Variants in MMEL1 observed in about 807,000 individuals in gnomAD.
The protein encoded by MMEL1 is membrane metalloendopeptidase like 1.
In MMEL1, 98 loss-of-function variants were observed where a neutral mutation model predicts 117.1. That is an observed-to-expected ratio of 0.84 (90% CI 0.71 to 0.99). MMEL1 has a LOEUF of 0.99. MMEL1 is among the 50% of genes least tolerant of loss of function. The pLI, the probability that MMEL1 is intolerant of heterozygous loss-of-function variation, is 0.00. For missense variants in MMEL1, 1,014 were observed against 1,049.1 expected, an observed-to-expected ratio of 0.97 and a Z score of 0.46; for synonymous variants, 390 against 415.1, an observed-to-expected ratio of 0.94 and a Z score of 0.74.
intron 9 of MMEL1, 148 bp downstream of exon 9, chr1:2,605,410 C>T (rs1469438191): frequency 2.9e-5 from 21 of 721,694 alleles, no homozygotes; most frequent in Middle Eastern, 3.8e-4. Context: ...CGTCTGCACC[C>T]GCCACCCTCA....
chr1:2,597,304 C>T (rs534508570), intron 13 of MMEL1, among the ~76,000 whole-genome samples: 1 of 151,850 alleles, frequency 6.6e-6, no homozygotes, highest in African/African-American at 2.4e-5. Context: ...GCCCCCCTGA[C>T]GCTTGACTCA....
At chr1:2,626,272 G>A (rs1245656908) in intron 2 of MMEL1, among the ~76,000 whole-genome samples, 1 of 152,214 alleles carries the variant, frequency 6.6e-6, no homozygotes, top group Non-Finnish European at 1.5e-5. Context: ...AGCTTTCTGA[G>A]TGGTCAAAAA....
At chr1:2,624,474 C>T (rs1018079233) in intron 2 of MMEL1, among the ~76,000 whole-genome samples, 3 of 152,172 alleles carry the variant, frequency 2.0e-5, no homozygotes, top group Non-Finnish European at 4.4e-5. Context: ...ATTAGGAAAC[C>T]GTCCTGCATA....
chr1:2,623,843 T>C (rs1645327857), intron 2 of MMEL1, among the ~76,000 whole-genome samples: 1 of 152,170 alleles, frequency 6.6e-6, no homozygotes, highest in African/African-American at 2.4e-5. Context: ...TTTAAACCAC[T>C]GAGGCAGGTG....
At chr1:2,622,541 A>G (rs1258256434) in intron 2 of MMEL1, among the ~76,000 whole-genome samples, 1 of 152,222 alleles carries the variant, frequency 6.6e-6, no homozygotes, top group African/African-American at 2.4e-5. Flanking sequence ...AACATTGACC[A>G]TATTAAATAG....
intron 6 of MMEL1, among the ~76,000 whole-genome samples, chr1:2,608,740 CAT>C (rs1459118922): frequency 6.6e-6 from 1 of 152,060 alleles, no homozygotes; most frequent in Non-Finnish European, 1.5e-5. Context: ...ACACATGTGA[CAT>C]GCACGTAACA....
At chr1:2,608,451 A>G (rs1307920110) in intron 6 of MMEL1, among the ~76,000 whole-genome samples, 1 of 152,194 alleles carries the variant, frequency 6.6e-6, no homozygotes, top group South Asian at 2.1e-4. Context: ...ATACATCCAC[A>G]TGCACACACA....
At chr1:2,609,595 A>C in intron 5 of MMEL1, 75 bp downstream of exon 5, 1 of 1,551,614 alleles carries the variant, frequency 6.4e-7, no homozygotes, top group Non-Finnish European at 8.8e-7. Context: ...GGCGAGACAC[A>C]GCCAGGACCA....
chr1:2,609,609 C>T, intron 5 of MMEL1, 61 bp downstream of exon 5: 1 of 1,564,274 alleles, frequency 6.4e-7, no homozygotes, highest in South Asian at 1.2e-5. Flanking sequence ...AGGACCAACT[C>T]CTGGCCCGGT....
At position 2,600,642 on chromosome 1, in the gene MMEL1, T is replaced by C. The variant is rs181914516; in HGVS notation, c.1042-1852A>G. 1.5e-3 allele frequency among the ~76,000 whole-genome samples: 233 copies of C among 152,258 alleles called. 1 individual carries two copies. The highest frequency in any genetic ancestry group is 5.3e-3 in the African/African-American group (222 of 41,530). ...TCAAGGCTGCAGTGAGCCATGACTG[T>C]GCCACTCCACTCCAGTCTGCATGAC... On this transcript the variant is annotated intron_variant, in intron 11 of 23. Transcript: ENST00000378412.
rs1372708626 is a variant in MMEL1 at position 2,612,736 on chromosome 1, A to T, written c.155-532T>A. On this transcript the variant is annotated intron_variant, in intron 2 of 23. Coordinates refer to ENST00000378412, the MANE Select transcript of MMEL1 (RefSeq NM_033467.4). The surrounding 1 kb of genome is among the most constrained non-coding windows in gnomAD (Gnocchi z 5.4). The stretch of plus-strand genomic sequence containing the variant: ...CAAGCCACCCTCCCTCCATCTCTCT[A>T]CTGCCTGCTGGGAGGGGCCTGCCTG... Among the ~76,000 whole-genome samples, 1 of 151,764 alleles carries T rather than the reference A, an allele frequency of 6.6e-6. No homozygotes were observed. Among genetic ancestry groups the T allele is most frequent in the Non-Finnish European group, 1.5e-5 (1 of 67,928 alleles).
rs949788812 is a variant in MMEL1 at position 2,595,882 on chromosome 1, G to T, written c.1500+127C>A. On this transcript the variant is annotated intron_variant, in intron 15 of 23. Transcript: ENST00000378412. This position sits in a 1 kb window ranked among gnomAD's most constrained non-coding sequence, Gnocchi z 4.8. ...CGCCTCCCGGGGCTGCCTTCTCCCC[G>T]TGGGGTCCTGTCTGCGCCTCCCGGG... 1.4e-6 allele frequency: 1 copy of T among 722,912 alleles called. No homozygotes were observed. The highest frequency in any genetic ancestry group is 1.8e-5 in the African/African-American group (1 of 56,592). The allele number at this position is 722,912 out of a possible 1,614,324, so 44.8% of individuals were successfully genotyped here.
Position 2,616,366 on chromosome 1 carries a change from C to CA in MMEL1, c.155-4163dup, listed in dbSNP as rs1205438991. 2.8e-4 allele frequency among the ~76,000 whole-genome samples: 35 copies of CA among 126,922 alleles called. 1 individual carries two copies. The highest frequency in any genetic ancestry group is 2.1e-3 in the Admixed American group (27 of 12,944). 83.3% of individuals were successfully genotyped at this position (126,922 alleles called of 152,430 possible). Reference sequence around the variant, plus strand: ...TCAAAAAAAAAAAAAAAAAAGCAGACAAAAAAAGACACATTATATTGAGGG... The same window carrying CA: ...TCAAAAAAAAAAAAAAAAAAGCAGACAAAAAAAAGACACATTATATTGAGGG... On this transcript the variant is annotated intron_variant, in intron 2 of 23. Transcript: ENST00000378412.
chr1:2,598,900 G>GA, intron 11 of MMEL1, 110 bp from the exon 12 acceptor site: 1 of 884,222 alleles, frequency 1.1e-6, no homozygotes, highest in Non-Finnish European at 1.7e-6. Flanking sequence ...GAATAAGAGA[G>GA]AAGTGCAGGT....
intron 2 of MMEL1, among the ~76,000 whole-genome samples, chr1:2,615,120 C>T (rs950793334): frequency 1.3e-5 from 2 of 152,140 alleles, no homozygotes; most frequent in African/African-American, 4.8e-5. Context: ...ATGCCAAATA[C>T]TTTAGGTAGA....
rs372783645 is a variant in MMEL1 at position 2,607,037 on chromosome 1, G to T, written c.568C>A (p.Leu190Met). 5.0e-6 allele frequency: 8 copies of T among 1,613,314 alleles called. No homozygotes were observed. The highest frequency in any genetic ancestry group is 6.8e-6 in the Non-Finnish European group (8 of 1,180,002). The part of the protein sequence containing the change: ...VIEKRGSQPL[L>M]DILEVVGGWP... ...CCTCCCACCACCTCCAAGATGTCCAGCAGGGGCTGAGAGCCTCGCTTCTCT... is the reference window on the plus strand; with the variant it reads ...CCTCCCACCACCTCCAAGATGTCCATCAGGGGCTGAGAGCCTCGCTTCTCT... The change falls in exon 7 of 24, where the codon CTG (leucine) becomes ATG (methionine). Residue 190 changes from leucine (L) to methionine (M), a missense_variant. Coordinates refer to ENST00000378412, the MANE Select transcript of MMEL1 (RefSeq NM_033467.4).
rs1176518025 is a variant in MMEL1 at position 2,592,707 on chromosome 1, T to C, written c.2015A>G (p.Asn672Ser). Residue 672 changes from asparagine (N) to serine (S), a missense_variant, in exon 21 of 24, where the codon AAC becomes AGC. Physicochemically the swap from Asn to Ser is conservative, Grantham distance 46 (BLOSUM62 1). Transcript: ENST00000378412. The stretch of plus-strand genomic sequence containing the variant: ...GTCAGCAATGTTTTCCCCAAGGGTG[T>C]TGAATCCGTTCACCTGCGCACAGGA... The part of the protein sequence containing the change: ...LADEQNVNGF[N>S]TLGENIADNG... 6.2e-7 allele frequency: 1 copy of C among 1,607,514 alleles called. No individual in the cohort carries two copies. The highest frequency in any genetic ancestry group is 8.5e-7 in the Non-Finnish European group (1 of 1,177,138).
chr1:2,604,122 T>TTC, intron 10 of MMEL1, 25 bp downstream of exon 10: 395 of 1,357,192 alleles, frequency 2.9e-4, no homozygotes, highest in Middle Eastern at 3.9e-4. Context: ...CGCTGCCCGC[T>TTC]CCCCACCCGC....
chr1:2,594,997 C>T (rs535191018), intron 16 of MMEL1, 104 bp from the exon 17 acceptor site: 12 of 946,850 alleles, frequency 1.3e-5, no homozygotes, highest in South Asian at 1.2e-4. Context: ...CCTTGCCAGG[C>T]GTCCGCACGT....
Sources: gnomAD v4.1 joint callset for allele counts (sites outside exome capture counted in the v4.1 genomes callset) on GRCh38, gnomAD v4.1.1 for gene constraint, Gnocchi (gnomAD v3.1) non-coding constraint, MANE v1.5 for transcripts, NCBI Gene and HGNC (gene_info 2026-07-23, HGNC 2026-07-21) for gene names.